Variants in AKAP8 observed in about 807,000 individuals in gnomAD.
AKAP8 encodes A-kinase anchoring protein 8.
In AKAP8, 24 loss-of-function variants were observed where a neutral mutation model predicts 67.5. The ratio of observed to expected loss-of-function variants is 0.36; its 90% confidence interval spans 0.26 to 0.50. AKAP8 has a LOEUF of 0.50. AKAP8 is among the 20% of genes least tolerant of loss of function. AKAP8 has a pLI of 0.97. For missense variants in AKAP8, 971 were observed against 955.9 expected (o/e 1.02, Z -0.21); for synonymous variants, 400 against 371.1 (o/e 1.08, Z -0.90).
At chr19:15,375,760 C>A (rs577885536) in intron 2 of AKAP8, among the ~76,000 whole-genome samples, 56 of 152,054 alleles carry the variant, frequency 3.7e-4, no homozygotes, top group Admixed American at 1.5e-3. Flanking sequence ...TCTCAGCCTC[C>A]GGAGTAGCTG....
chr19:15,364,158 CTTTTTTTT>C (rs34132091), intron 9 of AKAP8, among the ~76,000 whole-genome samples: 1 of 42,558 alleles, frequency 2.3e-5, no homozygotes, highest in African/African-American at 9.9e-5. Context: ...TTTTTCTTTC[CTTTTTTTT>C]TTTTTTTTTT....
chr19:15,373,520 G>C (rs1365838814), intron 4 of AKAP8, among the ~76,000 whole-genome samples, 180 bp from the exon 5 acceptor site: 1 of 152,080 alleles, frequency 6.6e-6, no homozygotes, highest in Non-Finnish European at 1.5e-5. Context: ...CTGAGCAGGG[G>C]ACAGAGCCCC....
At position 15,371,966 on chromosome 19, in the gene AKAP8, C is replaced by T; in HGVS notation, c.1024G>A (p.Glu342Lys). 6.2e-7 allele frequency: 1 copy of T among 1,614,140 alleles called. No individual in the cohort carries two copies. The highest frequency in any genetic ancestry group is 8.5e-7 in the Non-Finnish European group (1 of 1,180,020). ...DAAGDFRSGD[E>K]EFKGEDELCD... is the part of the protein sequence containing the mutation. ...GGTGGACTTACACCCTTGAATTCTT[C>T]ATCTCCTGAGCGGAAGTCACCAGCT... The change falls in exon 7 of 14, where the codon GAA (glutamate) becomes AAA (lysine). Residue 342 changes from glutamate to lysine, a missense_variant. Physicochemically the swap from Glu to Lys is moderately conservative, Grantham distance 56. Around this residue, in one of 3 missense-constraint regions of AKAP8, gnomAD observed 763 missense variants for 745.4 expected, o/e 1.02. Coordinates refer to ENST00000269701, the MANE Select transcript of AKAP8 (RefSeq NM_005858.4).
At chr19:15,367,508 A>G (rs1967089774) in intron 9 of AKAP8, among the ~76,000 whole-genome samples, 1 of 152,192 alleles carries the variant, frequency 6.6e-6, no homozygotes, top group Non-Finnish European at 1.5e-5. Context: ...AGCCTGGGCG[A>G]CAGAGCAAGA....
intron 7 of AKAP8, 61 bp downstream of exon 7, chr19:15,371,891 G>C (rs1203318468): frequency 3.8e-6 from 6 of 1,567,162 alleles, no homozygotes; most frequent in African/African-American, 1.4e-5. Flanking sequence ...TTGTGAGGAA[G>C]GGTGATTAAA....
chr19:15,374,672 C>A (rs1311067254), intron 2 of AKAP8, 37 bp from the exon 3 acceptor site: 2 of 1,611,762 alleles, frequency 1.2e-6, no homozygotes, highest in Non-Finnish European at 1.7e-6. Flanking sequence ...GCCCTGTTTG[C>A]AGAACGAAGG....
At chr19:15,363,403 G>A (rs1390119351) in intron 9 of AKAP8, among the ~76,000 whole-genome samples, 1 of 148,258 alleles carries the variant, frequency 6.7e-6, no homozygotes, top group African/African-American at 2.5e-5. Context: ...CGGGAAGTGA[G>A]GGGCGCCTCT....
At chr19:15,360,427 T>G (rs1012874580) in intron 12 of AKAP8, among the ~76,000 whole-genome samples, 5 of 152,158 alleles carry the variant, frequency 3.3e-5, no homozygotes, top group Non-Finnish European at 7.3e-5. Context: ...CTTTACAAAA[T>G]AAGGTATTTT....
At chr19:15,373,657 C>T in intron 4 of AKAP8, 129 bp downstream of exon 4, 2 of 1,210,988 alleles carry the variant, frequency 1.7e-6, no homozygotes, top group Non-Finnish European at 2.2e-6. Context: ...CCCCACGAGC[C>T]CAACTCGTCA....
chr19:15,372,744 C>T lies in AKAP8; in HGVS notation c.861+107G>A, dbSNP rs147325648. 831 of 1,355,132 alleles carry T rather than the reference C, an allele frequency of 6.1e-4. 10 individuals carry two copies. The East Asian group carries it at 0.016, about 26-fold the overall frequency. The allele number at this position is 1,355,132 out of a possible 1,614,324, so 83.9% of individuals were successfully genotyped here. A position where few individuals can be genotyped will look rare whatever the true frequency, so the allele number is the denominator to read the frequency against. On this transcript the variant is annotated intron_variant, in intron 5 of 13. Transcript: ENST00000269701. ...TGTAAATTAACTAAAAGTCGAACTG[C>T]GCACTTAAAAACATTTAAGTGAATG...
At chr19:15,370,548 G>C (rs191850867) in intron 7 of AKAP8, among the ~76,000 whole-genome samples, 7 of 151,994 alleles carry the variant, frequency 4.6e-5, no homozygotes, top group African/African-American at 1.4e-4. Flanking sequence ...TCACTTGGGG[G>C]ATGCCAGTTC....
At chr19:15,363,091 C>T (rs1304181888) in intron 9 of AKAP8, among the ~76,000 whole-genome samples, 3 of 150,808 alleles carry the variant, frequency 2.0e-5, no homozygotes, top group Admixed American at 6.6e-5. Flanking sequence ...GCAACCGCCC[C>T]GTCTGAGAAG....
chr19:15,374,554 T>G (rs749987875), intron 3 of AKAP8, 49 bp downstream of exon 3: 1 of 1,601,302 alleles, frequency 6.2e-7, no homozygotes, highest in South Asian at 1.1e-5. Flanking sequence ...GGCCTTCAGA[T>G]CAGAGGCCCA....
Position 15,373,367 on chromosome 19 carries a change from G to C in AKAP8, c.372-27C>G, listed in dbSNP as rs187353243. The C allele has an allele frequency of 1.3e-4, 202 of 1,578,208 alleles. No homozygotes were observed. In the African/African-American group the frequency reaches 2.4e-3, roughly 19 times the overall value. ...TGCAACAGAAGCACAGCCCATCAGG[G>C]GCGGTCACCCCGATCACCCACTGCC... is the stretch of plus-strand genomic sequence containing the variant. On this transcript the variant is annotated intron_variant, in intron 4 of 13. Coordinates refer to ENST00000269701, the MANE Select transcript of AKAP8 (RefSeq NM_005858.4).
In AKAP8 at chr19:15,363,333, C is replaced by T. The variant is rs1268725591; in HGVS notation, c.1161-1082G>A. ...TGAGGAGACCCTCTGCCCGGCCAGC[C>T]GCTCCGTCCGGGAGGGAGGTGGGGG... On this transcript the variant is annotated intron_variant, in intron 9 of 13. Transcript: ENST00000269701. Among the ~76,000 whole-genome samples the T allele has an allele frequency of 4.2e-5, 5 of 120,090 alleles. No individual in the cohort carries two copies. The South Asian group carries it at 8.9e-4, about 21-fold the overall frequency. The allele number at this position is 120,090 out of a possible 152,430, so 78.8% of individuals were successfully genotyped here. A position where few individuals can be genotyped will look rare whatever the true frequency, so the allele number is the denominator to read the frequency against.
intron 12 of AKAP8, 97 bp from the exon 13 acceptor site, chr19:15,359,159 T>G: frequency 3.6e-6 from 4 of 1,108,148 alleles, no homozygotes; most frequent in African/African-American, 1.6e-5. Flanking sequence ...AGATCAGCCC[T>G]ATGCAGAGAA....
intron 2 of AKAP8, among the ~76,000 whole-genome samples, chr19:15,376,132 C>G (rs553692196): frequency 6.6e-6 from 1 of 151,950 alleles, no homozygotes; most frequent in African/African-American, 2.4e-5. Context: ...CACTTGAGCT[C>G]GGGTCTCGAA....
Position 15,362,255 on chromosome 19 carries a change from T to C in AKAP8, c.1161-4A>G, listed in dbSNP as rs765292431. 52 of 1,613,742 alleles carry C rather than the reference T, an allele frequency of 3.2e-5. No homozygotes were observed. The highest frequency in any genetic ancestry group is 1.3e-4 in the Admixed American group (8 of 59,976). On this transcript the variant is annotated splice_region_variant and splice_polypyrimidine_tract_variant and intron_variant, in intron 9 of 13. Coordinates refer to ENST00000269701, the MANE Select transcript of AKAP8 (RefSeq NM_005858.4). Reference sequence around the variant, plus strand: ...TACAGAACAGGCAAACTGAATTCTGTAGAAGGAAAACAAGGAGGGGAGTGA... The same window carrying C: ...TACAGAACAGGCAAACTGAATTCTGCAGAAGGAAAACAAGGAGGGGAGTGA...
Position 15,374,291 on chromosome 19 carries a change from G to A in AKAP8, c.92-226C>T, listed in dbSNP as rs117777689. ...GAGCGGCGGGTTTTCCATGCCAGAC[G>A]CTAGGACCTGTTCCCCATTCAAAGC... On this transcript the variant is annotated intron_variant, in intron 3 of 13. Coordinates refer to ENST00000269701, the MANE Select transcript of AKAP8 (RefSeq NM_005858.4). Among the ~76,000 whole-genome samples the A allele has an allele frequency of 5.1e-3, 778 of 152,294 alleles. 4 individuals are homozygous for A. Among genetic ancestry groups the A allele is most frequent in the East Asian group, 0.021 (109 of 5,182 alleles).
Sources: allele counts gnomAD v4.1 joint callset (sites outside exome capture counted in the v4.1 genomes callset), GRCh38; gene constraint gnomAD v4.1.1; regional missense constraint gnomAD v4.1.1; transcripts MANE v1.5; gene names NCBI Gene and HGNC (gene_info 2026-07-23, HGNC 2026-07-21).